The following SLC25A31 variants were observed in gnomAD, a reference collection of about 807,000 sequenced individuals.
SLC25A31 encodes the protein ADP/ATP translocase 4.
SLC25A31 carries 40 observed loss-of-function variants against 36.2 expected under a neutral mutation model. The observed-to-expected ratio is 1.10, with a 90% confidence interval of 0.86 to 1.44. The LOEUF is 1.44. Ranked by LOEUF, SLC25A31 falls within the 40% of genes most tolerant of loss-of-function variation. SLC25A31 has a pLI of 0.00. For synonymous variants in SLC25A31, 143 were observed against 149.7 expected, an observed-to-expected ratio of 0.96 and a Z score of 0.32; for missense variants, 350 against 397.1, an observed-to-expected ratio of 0.88 and a Z score of 1.01.
At chr4:127,742,977 T>C (rs1426957041) in intron 1 of SLC25A31, among the ~76,000 whole-genome samples, 1 of 152,120 alleles carries the variant, frequency 6.6e-6, no homozygotes, top group Non-Finnish European at 1.5e-5. Context: ...TTTCTTTTTT[T>C]AATAAAGCTT....
At chr4:127,756,001 C>A (rs547660349) in intron 2 of SLC25A31, among the ~76,000 whole-genome samples, 1 of 151,538 alleles carries the variant, frequency 6.6e-6, no homozygotes, top group African/African-American at 2.4e-5. Flanking sequence ...CCATTGCGCT[C>A]CAGCCTGGGC....
intron 2 of SLC25A31, among the ~76,000 whole-genome samples, chr4:127,752,290 A>G (rs970986290): frequency 1.4e-4 from 22 of 152,082 alleles, no homozygotes; most frequent in Non-Finnish European, 2.6e-4. Context: ...GAAGCTGGAA[A>G]CCATCATTCT....
chr4:127,767,550 T>C (rs1732269164), intron 4 of SLC25A31, among the ~76,000 whole-genome samples: 1 of 152,228 alleles, frequency 6.6e-6, no homozygotes, highest in Admixed American at 6.5e-5. Context: ...ACAGTTTTTC[T>C]GATTTTATGT....
At chr4:127,770,615 ACT>A (rs781364022) in intron 5 of SLC25A31, among the ~76,000 whole-genome samples, 25 of 150,968 alleles carry the variant, frequency 1.7e-4, no homozygotes, top group Non-Finnish European at 2.4e-4. Flanking sequence ...ACAGAGCAAG[ACT>A]CTGTCTCAAA....
At chr4:127,746,137 T>C (rs187802759) in intron 2 of SLC25A31, among the ~76,000 whole-genome samples, 3 of 152,348 alleles carry the variant, frequency 2.0e-5, no homozygotes, top group African/African-American at 7.2e-5. Context: ...ATACATGATT[T>C]TGTACTTTTT....
At chr4:127,733,742 A>G (rs921296212) in intron 1 of SLC25A31, among the ~76,000 whole-genome samples, 1 of 152,060 alleles carries the variant, frequency 6.6e-6, no homozygotes, top group Non-Finnish European at 1.5e-5. Flanking sequence ...GATTGTTTTT[A>G]TGTTTTCTCT....
At chr4:127,731,982 A>AT (rs568265233) in intron 1 of SLC25A31, among the ~76,000 whole-genome samples, 6 of 152,178 alleles carry the variant, frequency 3.9e-5, no homozygotes, top group Admixed American at 6.5e-5. Flanking sequence ...TTCATCATTG[A>AT]TTTTTTCTAT....
In SLC25A31 at chr4:127,730,424, C is replaced by T. The variant is rs1026903982; in HGVS notation, c.-122C>T. The T allele has an allele frequency of 1.8e-6, 2 of 1,102,154 alleles. No homozygotes were observed. The highest frequency in any genetic ancestry group is 2.6e-6 in the Non-Finnish European group (2 of 773,022). The allele number at this position is 1,102,154 out of a possible 1,614,324, so 68.3% of individuals were successfully genotyped here. On this transcript the variant is annotated 5_prime_UTR_variant, in exon 1 of 6. Transcript: ENST00000281154. ...CGCCGGCGCGCGGCTCTCTCAGCGT[C>T]CCAAGAGCCACTTTCTCGCCAGTAC...
At chr4:127,732,314 C>T (rs1179502030) in intron 1 of SLC25A31, among the ~76,000 whole-genome samples, 1 of 152,186 alleles carries the variant, frequency 6.6e-6, no homozygotes, top group Non-Finnish European at 1.5e-5. Context: ...AGACCTGTGG[C>T]GTGGAGTATA....
intron 2 of SLC25A31, among the ~76,000 whole-genome samples, chr4:127,755,001 G>A (rs1408099757): frequency 6.6e-6 from 1 of 152,154 alleles, no homozygotes; most frequent in African/African-American, 2.4e-5. Flanking sequence ...CATATCTATG[G>A]TCAGTTGATT....
At chr4:127,743,423 A>G (rs1560632861) in intron 1 of SLC25A31, among the ~76,000 whole-genome samples, 1 of 152,220 alleles carries the variant, frequency 6.6e-6, no homozygotes, top group African/African-American at 2.4e-5. Context: ...GGCGTGAGCC[A>G]CTGCACCTAG....
At chr4:127,755,848 C>T (rs895619875) in intron 2 of SLC25A31, among the ~76,000 whole-genome samples, 6 of 152,142 alleles carry the variant, frequency 3.9e-5, no homozygotes, top group Non-Finnish European at 7.3e-5. Context: ...AGCTGGCCAA[C>T]ATGGTGAAAC....
intron 1 of SLC25A31, among the ~76,000 whole-genome samples, chr4:127,732,678 G>C (rs1254861625): frequency 2.6e-5 from 4 of 152,082 alleles, no homozygotes; most frequent in African/African-American, 9.7e-5. Context: ...ATCATTCTCA[G>C]ATGTATCCTG....
intron 1 of SLC25A31, among the ~76,000 whole-genome samples, chr4:127,734,593 G>A (rs1731589608): frequency 6.9e-6 from 1 of 144,312 alleles, no homozygotes; most frequent in Non-Finnish European, 1.5e-5. Flanking sequence ...GATCCGTACA[G>A]TCTCATTTTT....
intron 2 of SLC25A31, among the ~76,000 whole-genome samples, chr4:127,754,296 T>C (rs763106930): frequency 1.2e-4 from 19 of 152,026 alleles, no homozygotes; most frequent in Non-Finnish European, 5.9e-5. Flanking sequence ...CCAGAGCAAT[T>C]AGACAAGCAA....
chr4:127,753,450 A>T (rs1369779965), intron 2 of SLC25A31, among the ~76,000 whole-genome samples: 1 of 152,162 alleles, frequency 6.6e-6, no homozygotes, highest in East Asian at 1.9e-4. Context: ...AATAAGTCTC[A>T]TATAAATCAG....
chr4:127,751,281 C>T (rs961043410), intron 2 of SLC25A31, among the ~76,000 whole-genome samples: 7 of 152,134 alleles, frequency 4.6e-5, no homozygotes, highest in Non-Finnish European at 1.0e-4. Flanking sequence ...CATCTACAAC[C>T]ATCTGATCTT....
intron 1 of SLC25A31, among the ~76,000 whole-genome samples, chr4:127,734,079 A>G (rs1731579056): frequency 6.6e-6 from 1 of 152,178 alleles, no homozygotes; most frequent in Non-Finnish European, 1.5e-5. Context: ...CACTGTTTAA[A>G]CCTTTATTAT....
At chr4:127,763,224 G>A (rs1409658407) in intron 2 of SLC25A31, among the ~76,000 whole-genome samples, 1 of 152,154 alleles carries the variant, frequency 6.6e-6, no homozygotes, top group Non-Finnish European at 1.5e-5. Context: ...CAATAGATGG[G>A]TTGGAGATCA....
Sources: allele counts gnomAD v4.1 joint callset (sites outside exome capture counted in the v4.1 genomes callset), GRCh38; gene constraint gnomAD v4.1.1; transcripts MANE v1.5; gene names NCBI Gene and HGNC (gene_info 2026-07-23, HGNC 2026-07-21).